MYOM1: variants seen among roughly 807,000 people sequenced by gnomAD.
MYOM1 encodes myomesin-1.
In MYOM1, 164 loss-of-function variants were observed where a neutral mutation model predicts 205.3. That is an observed-to-expected ratio of 0.80 (90% CI 0.70 to 0.91). The LOEUF is 0.91. Ranked by LOEUF, MYOM1 falls within the 40% of genes least tolerant of loss-of-function variation. The pLI, the probability that MYOM1 is intolerant of heterozygous loss-of-function variation, is 0.00. For synonymous variants in MYOM1, 772 were observed against 789.4 expected (o/e 0.98, Z 0.37); for missense variants, 2,011 against 2,127.3 (o/e 0.95, Z 1.08).
chr18:3,117,658 C>T (rs987818366), intron 20 of MYOM1, among the ~76,000 whole-genome samples: 7 of 151,734 alleles, frequency 4.6e-5, no homozygotes, highest in African/African-American at 7.3e-5. Context: ...TTTTTCCTTT[C>T]CTTTTTTTTT....
chr18:3,094,376 AGT>A, intron 25 of MYOM1, 70 bp from the exon 26 acceptor site: 1 of 1,153,152 alleles, frequency 8.7e-7, no homozygotes, highest in Non-Finnish European at 1.1e-6. Context: ...TTTTCCATCA[AGT>A]GAAAAAAAAA....
At chr18:3,237,443 A>C in the MYOM1 span, among the ~76,000 whole-genome samples, 6 of 151,958 alleles carry the variant, frequency 3.9e-5, no homozygotes, top group South Asian at 1.2e-3. Flanking sequence ...TACTAAAAAT[A>C]CAAAAATTAG....
At chr18:3,076,248 A>G (rs2079019791) in intron 34 of MYOM1, among the ~76,000 whole-genome samples, 2 of 152,118 alleles carry the variant, frequency 1.3e-5, no homozygotes, top group Non-Finnish European at 1.5e-5. Context: ...TTGTGTTTTT[A>G]GTAGATACGG....
rs575588603 is a variant in MYOM1 at position 3,201,033 on chromosome 18, T to C, written c.291-7075A>G. 1.6e-4 allele frequency among the ~76,000 whole-genome samples: 24 copies of C among 152,304 alleles called. No individual in the cohort carries two copies. In the South Asian group the frequency reaches 4.3e-3, roughly 28 times the overall value. ...CACAGGGGAACAATAATACTGTTAA[T>C]GGTAGACTTCTCATCAGGAAAAATG... is the stretch of plus-strand genomic sequence containing the variant. On this transcript the variant is annotated intron_variant, in intron 2 of 37. Coordinates refer to ENST00000356443, the MANE Select transcript of MYOM1 (RefSeq NM_003803.4).
intron 14 of MYOM1, among the ~76,000 whole-genome samples, chr18:3,136,452 G>A (rs971609621): frequency 6.6e-6 from 1 of 151,670 alleles, no homozygotes; most frequent in Admixed American, 6.6e-5. Context: ...TTGAGACAGG[G>A]TCTTACCCTG....
chr18:3,115,633 C>T (rs184710221), intron 21 of MYOM1, among the ~76,000 whole-genome samples: 205 of 152,260 alleles, frequency 1.3e-3, no homozygotes, highest in Non-Finnish European at 1.9e-3. Context: ...TCTGAGGCCC[C>T]GCTGGGGCAT....
chr18:3,079,147 A>T (rs1156772961), intron 34 of MYOM1, 32 bp downstream of exon 34: 1 of 1,608,136 alleles, frequency 6.2e-7, no homozygotes, highest in Non-Finnish European at 8.5e-7. Context: ...ATTCATCTAG[A>T]GTAAATTTGA....
At chr18:3,246,232 G>C in the MYOM1 span, 4 of 152,202 alleles carry the variant, frequency 2.6e-5, no homozygotes, top group Admixed American at 2.0e-4. Flanking sequence ...TCCATGCATT[G>C]CAAGTGCTCG....
At chr18:3,208,821 G>T (rs1360140746) in intron 2 of MYOM1, among the ~76,000 whole-genome samples, 1 of 152,146 alleles carries the variant, frequency 6.6e-6, no homozygotes, top group Non-Finnish European at 1.5e-5. Flanking sequence ...ATAGAGACAA[G>T]GTTTCACTAT....
chr18:3,119,612 C>T (rs888072242), intron 20 of MYOM1, among the ~76,000 whole-genome samples: 2 of 152,164 alleles, frequency 1.3e-5, no homozygotes, highest in African/African-American at 2.4e-5. Context: ...CTGTGCTAAT[C>T]CTACTCCTCG....
the MYOM1 span, among the ~76,000 whole-genome samples, chr18:3,243,602 G>A: frequency 6.6e-6 from 1 of 152,088 alleles, no homozygotes; most frequent in Non-Finnish European, 1.5e-5. Context: ...GTGGATATTA[G>A]GCATTGTATT....
chr18:3,080,475 A>G (rs1176059947), intron 33 of MYOM1, among the ~76,000 whole-genome samples: 7 of 152,040 alleles, frequency 4.6e-5, no homozygotes, highest in Non-Finnish European at 1.0e-4. Context: ...GGAGTTCCAG[A>G]CCAGCCTGGC....
intron 5 of MYOM1, among the ~76,000 whole-genome samples, chr18:3,176,577 T>C (rs1040085583): frequency 1.4e-4 from 22 of 152,194 alleles, no homozygotes; most frequent in African/African-American, 5.1e-4. Flanking sequence ...GTCAGTTACA[T>C]GGGTGTGTGC....
chr18:3,128,941 C>T (rs1485737322), intron 18 of MYOM1, among the ~76,000 whole-genome samples: 1 of 152,174 alleles, frequency 6.6e-6, no homozygotes, highest in African/African-American at 2.4e-5. Context: ...TTAGCAAAAT[C>T]AGGCCAGAGG....
intron 10 of MYOM1, among the ~76,000 whole-genome samples, chr18:3,159,969 T>G (rs1390357317): frequency 1.5e-5 from 2 of 137,652 alleles, no homozygotes; most frequent in African/African-American, 2.6e-5. Context: ...CTGCCTGCCT[T>G]CCTTCTCTCT....
chr18:3,119,316 C>G (rs139334376), intron 20 of MYOM1, among the ~76,000 whole-genome samples: 8 of 152,080 alleles, frequency 5.3e-5, no homozygotes, highest in Admixed American at 1.3e-4. Context: ...AAACCCTAGA[C>G]AGGTGCACGA....
At chr18:3,115,239 C>CTGTCTTA (rs1192136141) in intron 21 of MYOM1, among the ~76,000 whole-genome samples, 1 of 152,060 alleles carries the variant, frequency 6.6e-6, no homozygotes, top group Non-Finnish European at 1.5e-5. Flanking sequence ...AAAAGATGAC[C>CTGTCTTA]TGTCTTATTT....
chr18:3,079,265 G>A lies in MYOM1; in HGVS notation c.4562C>T (p.Pro1521Leu). Residue 1521 changes from proline to leucine, a missense_variant, in exon 34 of 38, where the codon CCC becomes CTC. Transcript: ENST00000356443. ...GEQIWLQINE[P>L]TPNDKGKYVM... ...ATACTTCCCTTTGTCATTCGGGGTG[G>A]GCTCGTTGATTTGTAGCCAGATCTG... is the stretch of plus-strand genomic sequence containing the variant. The A allele has an allele frequency of 6.2e-7, 1 of 1,613,818 alleles. No homozygotes were observed. The highest frequency in any genetic ancestry group is 1.1e-5 in the South Asian group (1 of 91,070).
Position 3,135,460 on chromosome 18 carries a change from C to T in MYOM1, c.2209+87G>A. On this transcript the variant is annotated intron_variant, in intron 15 of 37. Coordinates refer to ENST00000356443, the MANE Select transcript of MYOM1 (RefSeq NM_003803.4). This position sits in a 1 kb window ranked among gnomAD's most constrained non-coding sequence, Gnocchi z 4.1. ...TTTATAATATGAAAGAAGGATGTCACCATTTTTACTCCTGGCCAAATATAC... is the reference window on the plus strand; with the variant it reads ...TTTATAATATGAAAGAAGGATGTCATCATTTTTACTCCTGGCCAAATATAC... The T allele has an allele frequency of 8.3e-7, 1 of 1,197,738 alleles. No individual in the cohort carries two copies. Among genetic ancestry groups the T allele is most frequent in the Non-Finnish European group, 1.1e-6 (1 of 871,716 alleles). 74.2% of individuals were successfully genotyped at this position (1,197,738 alleles called of 1,614,324 possible).
Sources: gnomAD v4.1 joint callset for allele counts (sites outside exome capture counted in the v4.1 genomes callset) on GRCh38, gnomAD v4.1.1 for gene constraint, Gnocchi (gnomAD v3.1) non-coding constraint, MANE v1.5 for transcripts, NCBI Gene and HGNC (gene_info 2026-07-23, HGNC 2026-07-21) for gene names.